The following AHDC1 variants were observed in gnomAD, a reference collection of about 807,000 sequenced individuals.
The protein encoded by AHDC1 is transcription factor Gibbin.
A neutral mutation model predicts 87.9 loss-of-function variants in AHDC1; 7 were observed. The ratio of observed to expected loss-of-function variants is 0.08; its 90% CI spans 0.05 to 0.15. The LOEUF (loss-of-function observed/expected upper bound fraction) is 0.15. AHDC1 is among the 10% of genes least tolerant of loss of function. The pLI is 1.00. For synonymous variants in AHDC1, 1,051 were observed against 1,006.8 expected, an observed-to-expected ratio of 1.04 and a Z score of -0.83; for missense variants, 1,841 against 2,253.2, an observed-to-expected ratio of 0.82 and a Z score of 3.70.
intron 3 of AHDC1, among the ~76,000 whole-genome samples, chr1:27,602,081 G>A (rs1346440418): frequency 2.0e-5 from 3 of 152,130 alleles, no homozygotes. Context: ...CTGCCTCCCA[G>A]GGTGACGCCT....
At chr1:27,570,029 G>A (rs2020499252) in intron 3 of AHDC1, among the ~76,000 whole-genome samples, 1 of 152,082 alleles carries the variant, frequency 6.6e-6, no homozygotes, top group African/African-American at 2.4e-5. Context: ...AAGGGGGCTG[G>A]AGTCCAGCCT....
At chr1:27,538,139 C>T (rs755667542) in intron 8 of AHDC1, among the ~76,000 whole-genome samples, 2 of 152,054 alleles carry the variant, frequency 1.3e-5, no homozygotes, top group Non-Finnish European at 2.9e-5. Flanking sequence ...GGGTGACTCA[C>T]GCCTGTAATC....
intron 8 of AHDC1, among the ~76,000 whole-genome samples, chr1:27,540,176 G>C (rs2148209163): frequency 6.6e-6 from 1 of 152,248 alleles, no homozygotes; most frequent in Admixed American, 6.5e-5. Context: ...CCTCAGGCGA[G>C]GACCTTTCCC....
chr1:27,597,335 T>TTGTGTG (rs58592828), intron 3 of AHDC1, among the ~76,000 whole-genome samples: 3 of 149,362 alleles, frequency 2.0e-5, no homozygotes, highest in African/African-American at 7.4e-5. Context: ...TGTCACAAAT[T>TTGTGTG]TGTGTGTGTG....
In AHDC1 at chr1:27,550,166, G is replaced by A. The variant is rs751126214; in HGVS notation, c.1950C>T (p.Pro650=). The A allele has an allele frequency of 2.8e-5, 45 of 1,611,178 alleles. No individual in the cohort carries two copies. The highest frequency in any genetic ancestry group is 3.7e-5 in the Non-Finnish European group (44 of 1,179,836). Residue 650 remains proline (P), a synonymous_variant, in exon 8 of 9, where the codon CCC becomes CCT. Transcript: ENST00000673934. ...PSEPESVHQA[P]DTQSISHFLH... ...GGAAGTGGGAGATGCTCTGGGTGTC[G>A]GGGGCCTGGTGCACCGACTCCGGCT...
intron 5 of AHDC1, among the ~76,000 whole-genome samples, chr1:27,554,191 T>C (rs952440454): frequency 3.3e-5 from 5 of 152,214 alleles, no homozygotes; most frequent in Non-Finnish European, 5.9e-5. Flanking sequence ...AGAAGGATGC[T>C]GAGAGAGGGA....
At chr1:27,599,390 G>A (rs2089469398) in intron 3 of AHDC1, among the ~76,000 whole-genome samples, 1 of 152,108 alleles carries the variant, frequency 6.6e-6, no homozygotes, top group Non-Finnish European at 1.5e-5. Context: ...CCCGGCAGCA[G>A]CGGCGCCTCC....
At chr1:27,542,143 T>C (rs2018953149) in intron 8 of AHDC1, among the ~76,000 whole-genome samples, 1 of 152,248 alleles carries the variant, frequency 6.6e-6, no homozygotes, top group Non-Finnish European at 1.5e-5. Context: ...CTGACAAAGA[T>C]GGCACAACTG....
chr1:27,589,688 A>G (rs1456586656), intron 3 of AHDC1, among the ~76,000 whole-genome samples: 2 of 152,064 alleles, frequency 1.3e-5, no homozygotes, highest in Non-Finnish European at 2.9e-5. Context: ...GAGACCAAGG[A>G]TATGTGTGTG....
chr1:27,587,813 C>A (rs997075433), intron 3 of AHDC1, among the ~76,000 whole-genome samples: 1 of 152,182 alleles, frequency 6.6e-6, no homozygotes, highest in Non-Finnish European at 1.5e-5. Context: ...CATCCTTGCA[C>A]GACGAACCTT....
At position 27,558,992 on chromosome 1, in the gene AHDC1, C is replaced by T. The variant is rs941460496; in HGVS notation, c.-628-109G>A. ...GCCAGGAAGCTCTCCTACATGGAGTCCCATCCACCTCCAACCTCATCGCAT... is the reference window on the plus strand; with the variant it reads ...GCCAGGAAGCTCTCCTACATGGAGTTCCATCCACCTCCAACCTCATCGCAT... On this transcript the variant is annotated intron_variant, in intron 3 of 8. Transcript: ENST00000673934. The surrounding 1 kb of genome is among the most constrained non-coding windows in gnomAD (Gnocchi z 5.6). The T allele has an allele frequency of 7.5e-6, 3 of 397,820 alleles. No individual in the cohort carries two copies. In the East Asian group the frequency reaches 1.1e-4, roughly 14 times the overall value. The allele number at this position is 397,820 out of a possible 1,614,324, so 24.6% of individuals were successfully genotyped here.
At chr1:27,574,609 T>C (rs969850551) in intron 3 of AHDC1, among the ~76,000 whole-genome samples, 1 of 152,002 alleles carries the variant, frequency 6.6e-6, no homozygotes, top group African/African-American at 2.4e-5. Flanking sequence ...GAGAGTATGC[T>C]AGGTGGGGGC....
intron 8 of AHDC1, among the ~76,000 whole-genome samples, chr1:27,545,026 C>T (rs1250326389): frequency 1.3e-5 from 2 of 152,086 alleles, no homozygotes; most frequent in Admixed American, 1.3e-4. Flanking sequence ...TCCAGGCTTT[C>T]CACACTGCTG....
Position 27,598,083 on chromosome 1 carries a change from C to T in AHDC1, c.-629+5314G>A, listed in dbSNP as rs2089425433. Among the ~76,000 whole-genome samples, 1 of 152,174 alleles carries T rather than the reference C, an allele frequency of 6.6e-6. No homozygotes were observed. Among genetic ancestry groups the T allele is most frequent in the Admixed American group, 6.5e-5 (1 of 15,280 alleles). ...AAGGGTGCCCACTCGCTCCCCAAGG[C>T]ACCCTCCCCCAGGTCAGCAAGGCCT... On this transcript the variant is annotated intron_variant, in intron 3 of 8. Transcript: ENST00000673934. This position sits in a 1 kb window ranked among gnomAD's most constrained non-coding sequence, Gnocchi z 4.2.
chr1:27,540,005 T>A (rs1346977210), intron 8 of AHDC1, among the ~76,000 whole-genome samples: 2 of 152,110 alleles, frequency 1.3e-5, no homozygotes, highest in Non-Finnish European at 2.9e-5. Flanking sequence ...ACCCTCCAGC[T>A]GGAGATGCCA....
Position 27,549,322 on chromosome 1 carries a change from T to C in AHDC1, c.2794A>G (p.Thr932Ala). The C allele has an allele frequency of 6.2e-7, 1 of 1,609,604 alleles. No homozygotes were observed. The highest frequency in any genetic ancestry group is 8.5e-7 in the Non-Finnish European group (1 of 1,177,136). The change falls in exon 8 of 9, where the codon ACT (threonine) becomes GCT (alanine). Residue 932 changes from threonine to alanine, a missense_variant. By Grantham distance (58) the Thr-to-Ala change is moderately conservative. Coordinates refer to ENST00000673934, the MANE Select transcript of AHDC1 (RefSeq NM_001371928.1). ...GCCCGGCAGTCTGAAGCGGCTGGAG[T>C]TAGCCCATAGCTTGCTGCTCGTCCT... ...PPGRAASYGL[T>A]PAASDCRAAE...
At chr1:27,585,530 G>A (rs2148452925) in intron 3 of AHDC1, among the ~76,000 whole-genome samples, 1 of 152,312 alleles carries the variant, frequency 6.6e-6, no homozygotes, top group African/African-American at 2.4e-5. Context: ...TAAAAGTTGA[G>A]CTCCACCTAG....
chr1:27,587,872 G>A (rs372999782), intron 3 of AHDC1, among the ~76,000 whole-genome samples: 2 of 152,158 alleles, frequency 1.3e-5, no homozygotes, highest in African/African-American at 4.8e-5. Flanking sequence ...CTCAGGAACT[G>A]GAACCCCACT....
chr1:27,596,692 C>T (rs1347432340), intron 3 of AHDC1, among the ~76,000 whole-genome samples: 1 of 152,114 alleles, frequency 6.6e-6, no homozygotes, highest in Non-Finnish European at 1.5e-5. Flanking sequence ...CCACTGCACG[C>T]TCACACATGC....
Sources: gnomAD v4.1 joint callset for allele counts (sites outside exome capture counted in the v4.1 genomes callset) on GRCh38, gnomAD v4.1.1 for gene constraint, Gnocchi (gnomAD v3.1) non-coding constraint, MANE v1.5 for transcripts, NCBI Gene and HGNC (gene_info 2026-07-23, HGNC 2026-07-21) for gene names.